The following PPFIBP1 variants were observed in gnomAD, a reference collection of about 807,000 sequenced individuals.
The protein encoded by PPFIBP1 is PPFIB scaffold protein 1, also known as liprin-beta-1.
PPFIBP1 carries 112 observed loss-of-function variants against 137.8 expected under a neutral mutation model. The ratio of observed to expected loss-of-function variants is 0.81; its 90% CI spans 0.70 to 0.95. The LOEUF is 0.95. PPFIBP1 is among the 40% of genes least tolerant of loss of function. The pLI is 0.00. For missense variants in PPFIBP1, 1,083 were observed against 1,196.6 expected (o/e 0.91, Z 1.40); for synonymous variants, 378 against 417.3 (o/e 0.91, Z 1.15).
chr12:27,604,079 T>C (rs533655443), intron 2 of PPFIBP1, among the ~76,000 whole-genome samples: 1 of 152,176 alleles, frequency 6.6e-6, no homozygotes, highest in South Asian at 2.1e-4. Flanking sequence ...TAGGGGACTA[T>C]AAAGAAAAGT....
intron 12 of PPFIBP1, among the ~76,000 whole-genome samples, chr12:27,664,700 C>T (rs994046758): frequency 7.2e-5 from 11 of 152,104 alleles, no homozygotes; most frequent in African/African-American, 2.4e-4. Context: ...GAGAGAAAAA[C>T]GACAGTATAT....
chr12:27,589,971 A>G lies in PPFIBP1; in HGVS notation c.-36+11732A>G, dbSNP rs576905917. On this transcript the variant is annotated intron_variant, in intron 2 of 29. Transcript: ENST00000228425. ...CTCACTTGACGTCTACTTGATGGCT[A>G]TGTTCTCTTCTTGTCTGCCTCCCTT... Among the ~76,000 whole-genome samples the G allele has an allele frequency of 6.6e-5, 10 of 152,276 alleles. No individual in the cohort carries two copies. The East Asian group carries it at 1.5e-3, about 23-fold the overall frequency.
At chr12:27,537,918 G>A (rs1001385522) in intron 1 of PPFIBP1, among the ~76,000 whole-genome samples, 80 of 152,156 alleles carry the variant, frequency 5.3e-4, no homozygotes, top group African/African-American at 1.9e-3. Flanking sequence ...CAACCTGAAT[G>A]TTGATCTTTT....
Position 27,525,559 on chromosome 12 carries a change from C to G in PPFIBP1, c.-124+1194C>G, listed in dbSNP as rs79533380. 2.0e-4 allele frequency among the ~76,000 whole-genome samples: 30 copies of G among 148,812 alleles called. No homozygotes were observed. In the East Asian group the frequency reaches 6.0e-3, roughly 30 times the overall value. On this transcript the variant is annotated intron_variant, in intron 1 of 29. Coordinates refer to ENST00000228425, the MANE Select transcript of PPFIBP1 (RefSeq NM_003622.4). Reference sequence around the variant, plus strand: ...AAAGTAAGCGCTGAGACTCCTGAGTCAAGTTTCCCCTTTCCTTCACCGAAG... The same window carrying G: ...AAAGTAAGCGCTGAGACTCCTGAGTGAAGTTTCCCCTTTCCTTCACCGAAG...
rs2060757028 is a variant in PPFIBP1 at position 27,679,520 on chromosome 12, A to G, written c.1647A>G (p.Leu549=). ...CAGAAAAAGAGACAGCAGAGCACCT[A>G]GATCTGGCTGGTGCTTCTTCTCGGC... ...AETEKETAEH[L]DLAGASSRPK... Residue 549 remains leucine (L), a synonymous_variant, in exon 20 of 30, where the codon CTA becomes CTG. Coordinates refer to ENST00000228425, the MANE Select transcript of PPFIBP1 (RefSeq NM_003622.4). 6.2e-7 allele frequency: 1 copy of G among 1,614,014 alleles called. No individual in the cohort carries two copies. Among genetic ancestry groups the G allele is most frequent in the African/African-American group, 1.3e-5 (1 of 75,070 alleles).
At chr12:27,645,052 C>T (rs1317344893) in intron 4 of PPFIBP1, among the ~76,000 whole-genome samples, 1 of 152,122 alleles carries the variant, frequency 6.6e-6, no homozygotes, top group Non-Finnish European at 1.5e-5. Flanking sequence ...CAGATGTGTC[C>T]TGGGCAGTAA....
chr12:27,660,532 T>C (rs754985637), intron 10 of PPFIBP1, among the ~76,000 whole-genome samples: 1 of 152,226 alleles, frequency 6.6e-6, no homozygotes, highest in East Asian at 1.9e-4. Flanking sequence ...TTTCACGCAC[T>C]GCTTTATAGA....
Position 27,682,835 on chromosome 12 carries a change from GAGTGGC to G in PPFIBP1, c.2247+135_2247+140del, listed in dbSNP as rs2060958438. 3.5e-6 allele frequency: 5 copies of G among 1,427,388 alleles called. No homozygotes were observed. The African/African-American group carries it at 5.7e-5, about 16-fold the overall frequency. 88.4% of individuals were successfully genotyped at this position (1,427,388 alleles called of 1,614,324 possible). A position where few individuals can be genotyped will look rare whatever the true frequency, so the allele number is the denominator to read the frequency against. On this transcript the variant is annotated intron_variant, in intron 24 of 29. Transcript: ENST00000228425. The stretch of plus-strand genomic sequence containing the variant: ...TGAAGCTGTTGCTTGAACTTGAGGA[GAGTGGC>G]AGGCATATTTCCCATGAGGCTGAAG...
intron 24 of PPFIBP1, among the ~76,000 whole-genome samples, chr12:27,683,605 A>C (rs995054834): frequency 6.6e-6 from 1 of 152,106 alleles, no homozygotes; most frequent in Non-Finnish European, 1.5e-5. Flanking sequence ...GGAAGGCTAG[A>C]CTTCTACTCT....
chr12:27,549,938 A>G (rs1423327804), intron 1 of PPFIBP1, among the ~76,000 whole-genome samples: 1 of 152,220 alleles, frequency 6.6e-6, no homozygotes, highest in East Asian at 1.9e-4. Context: ...GATGTTGCGT[A>G]ACCTCCCGGA....
chr12:27,595,251 AAC>A lies in PPFIBP1; in HGVS notation c.-36+17021_-36+17022del, dbSNP rs571543688. Among the ~76,000 whole-genome samples the A allele has an allele frequency of 5.4e-3, 826 of 152,130 alleles. 2 individuals carry two copies. Among genetic ancestry groups the A allele is most frequent in the Admixed American group, 7.6e-3 (116 of 15,300 alleles). On this transcript the variant is annotated intron_variant, in intron 2 of 29. Transcript: ENST00000228425. ...ATGCGTGCACACGCGCGCGCGCACA[AAC>A]ACACACACGCGCATACACACATGCG...
chr12:27,648,896 C>A (rs537961721), intron 6 of PPFIBP1, among the ~76,000 whole-genome samples: 2 of 151,956 alleles, frequency 1.3e-5, no homozygotes, highest in South Asian at 4.2e-4. Flanking sequence ...CGAAGGGGTA[C>A]AAAATAATAG....
chr12:27,607,743 G>A (rs2054674863), intron 2 of PPFIBP1, among the ~76,000 whole-genome samples: 1 of 152,158 alleles, frequency 6.6e-6, no homozygotes, highest in Admixed American at 6.5e-5. Context: ...CAAGAATGGG[G>A]AAGCGATGAT....
At chr12:27,680,108 T>C (rs1260882457) in intron 21 of PPFIBP1, 47 bp downstream of exon 21, 15 of 1,606,132 alleles carry the variant, frequency 9.3e-6, no homozygotes, top group Non-Finnish European at 1.3e-5. Flanking sequence ...CCAAGCATCA[T>C]AGCCTCATGA....
At chr12:27,604,202 A>G (rs549449868) in intron 2 of PPFIBP1, among the ~76,000 whole-genome samples, 7 of 152,338 alleles carry the variant, frequency 4.6e-5, no homozygotes, top group Non-Finnish European at 7.4e-5. Flanking sequence ...ACCCAGTTGG[A>G]GAAAATGGAG....
chr12:27,618,444 A>C (rs1411888021), intron 2 of PPFIBP1, among the ~76,000 whole-genome samples: 1 of 152,232 alleles, frequency 6.6e-6, no homozygotes, highest in Non-Finnish European at 1.5e-5. Context: ...TCCTACCTGG[A>C]GGCTTTATCT....
chr12:27,659,571 ATG>A (rs2059416912), intron 10 of PPFIBP1, among the ~76,000 whole-genome samples: 1 of 151,862 alleles, frequency 6.6e-6, no homozygotes. Flanking sequence ...GCAGTGAGCT[ATG>A]ATCTTGCCAT....
At chr12:27,557,739 T>G (rs958080104) in intron 1 of PPFIBP1, among the ~76,000 whole-genome samples, 2 of 152,210 alleles carry the variant, frequency 1.3e-5, no homozygotes, top group Non-Finnish European at 2.9e-5. Flanking sequence ...TCTCCAACAC[T>G]GTTGGCATAG....
Position 27,664,391 on chromosome 12 carries a change from C to T in PPFIBP1, c.936C>T (p.Cys312=). 6.2e-7 allele frequency: 1 copy of T among 1,612,218 alleles called. No individual in the cohort carries two copies. The highest frequency in any genetic ancestry group is 8.5e-7 in the Non-Finnish European group (1 of 1,178,616). The change falls in exon 12 of 30, where the codon TGC becomes TGT. Residue 312 remains cysteine (C), a synonymous_variant. Coordinates refer to ENST00000228425, the MANE Select transcript of PPFIBP1 (RefSeq NM_003622.4). ...KDRKIEDLRQ[C]LNRYKKMQDT... ...GGAAAATAGAAGATCTTCGACAGTG[C>T]CTGAACAGGTACAAGAAAATGCAAG...
Sources: allele counts gnomAD v4.1 joint callset (sites outside exome capture counted in the v4.1 genomes callset), GRCh38; gene constraint gnomAD v4.1.1; transcripts MANE v1.5; gene names NCBI Gene and HGNC (gene_info 2026-07-23, HGNC 2026-07-21).